The following CEP128 variants were observed in gnomAD, a reference collection of about 807,000 sequenced individuals.
CEP128 encodes centrosomal protein 128, also known as centrosomal protein 128kDa.
Under a neutral mutation model 156.7 loss-of-function variants are expected in CEP128, and 132 were observed. The observed-to-expected ratio is 0.84, with a 90% CI of 0.73 to 0.97. The LOEUF is 0.97. Ranked by LOEUF, CEP128 falls within the 50% of genes least tolerant of loss-of-function variation. CEP128 has a pLI of 0.00. For synonymous variants in CEP128, 469 were observed against 448.9 expected, an observed-to-expected ratio of 1.04 and a Z score of -0.57; for missense variants, 1,252 against 1,281.9, an observed-to-expected ratio of 0.98 and a Z score of 0.36.
intron 19 of CEP128, among the ~76,000 whole-genome samples, chr14:80,604,566 T>G (rs778625164): frequency 6.6e-6 from 1 of 152,122 alleles, no homozygotes; most frequent in Non-Finnish European, 1.5e-5. Flanking sequence ...ACATAGACAA[T>G]ATATAACATT....
At chr14:80,761,299 C>A in intron 17 of CEP128, 138 bp downstream of exon 17, 1 of 607,574 alleles carries the variant, frequency 1.6e-6, no homozygotes, top group Admixed American at 3.2e-5. Context: ...GCGCCTTATT[C>A]TAAAAAATGC....
In CEP128 at chr14:80,505,022, T is replaced by A. The variant is rs780828444; in HGVS notation, c.3073-2A>T. The A allele has an allele frequency of 6.4e-7, 1 of 1,555,794 alleles. No individual in the cohort carries two copies. The highest frequency in any genetic ancestry group is 8.8e-7 in the Non-Finnish European group (1 of 1,139,854). On this transcript the variant is annotated splice_acceptor_variant, in intron 23 of 24. Transcript: ENST00000555265. LOFTEE classifies it high-confidence loss of function. ...ACCTTCCAGAAAGGTTCTGTCACCCTAAGGAAAAAAAGGCACAGCATTTCA... is the reference window on the plus strand; with the variant it reads ...ACCTTCCAGAAAGGTTCTGTCACCCAAAGGAAAAAAAGGCACAGCATTTCA...
At chr14:80,509,739 T>C (rs974901698) in intron 23 of CEP128, among the ~76,000 whole-genome samples, 1 of 152,186 alleles carries the variant, frequency 6.6e-6, no homozygotes. Context: ...TCTTTTTTCT[T>C]ATAGTAGTTT....
chr14:80,791,473 T>A (rs533385320), intron 14 of CEP128, among the ~76,000 whole-genome samples: 1 of 152,298 alleles, frequency 6.6e-6, no homozygotes, highest in Admixed American at 6.5e-5. Context: ...CCCTTCTAAA[T>A]CTCTTCTAAT....
intron 16 of CEP128, among the ~76,000 whole-genome samples, chr14:80,774,609 A>ATGTGTG (rs143520284): frequency 2.5e-4 from 37 of 150,576 alleles, no homozygotes; most frequent in African/African-American, 8.8e-4. Flanking sequence ...ATATATACAT[A>ATGTGTG]TGTGTGTGTG....
rs116866636 is a variant in CEP128 at position 80,826,860 on chromosome 14, G to A, written c.1209+4283C>T. On this transcript the variant is annotated intron_variant, in intron 13 of 24. Transcript: ENST00000555265. ...AGATGGAGGCAAAGATTAAATCAGGGGAAATAACTGATCAAGGATGCTTAG... is the reference window on the plus strand; with the variant it reads ...AGATGGAGGCAAAGATTAAATCAGGAGAAATAACTGATCAAGGATGCTTAG... 9.0e-3 allele frequency among the ~76,000 whole-genome samples: 1,365 copies of A among 152,042 alleles called. 15 individuals are homozygous for A. Among genetic ancestry groups the A allele is most frequent in the Non-Finnish European group, 0.014 (969 of 67,992 alleles).
At position 80,772,834 on chromosome 14, in the gene CEP128, C is replaced by G. The variant is rs369932995; in HGVS notation, c.2376+5048G>C. 2.0e-4 allele frequency among the ~76,000 whole-genome samples: 31 copies of G among 152,310 alleles called. 5 individuals carry two copies. The highest frequency in any genetic ancestry group is 8.5e-4 in the Admixed American group (13 of 15,298). ...GGGAACTCTCTCCTCTCATTACCAG[C>G]TTTGTCTCAGTAGTCCAGTGCTACC... On this transcript the variant is annotated intron_variant, in intron 16 of 24. Coordinates refer to ENST00000555265, the MANE Select transcript of CEP128 (RefSeq NM_152446.5).
intron 19 of CEP128, among the ~76,000 whole-genome samples, chr14:80,711,359 C>T (rs1047839756): frequency 6.8e-6 from 1 of 146,244 alleles, no homozygotes; most frequent in African/African-American, 2.6e-5. Flanking sequence ...GTGTGTGTAA[C>T]CACACTAATA....
chr14:80,885,902 T>C (rs894919703), intron 8 of CEP128, among the ~76,000 whole-genome samples: 1 of 152,052 alleles, frequency 6.6e-6, no homozygotes, highest in African/African-American at 2.4e-5. Flanking sequence ...TAGGAACTGC[T>C]TACTAGAATA....
At chr14:80,700,024 G>C (rs917816390) in intron 19 of CEP128, among the ~76,000 whole-genome samples, 5 of 151,642 alleles carry the variant, frequency 3.3e-5, no homozygotes, top group African/African-American at 1.2e-4. Flanking sequence ...GCTTTAAGTG[G>C]GGAAGGATGG....
At chr14:80,915,874 GATATC>G (rs1401851904) in intron 3 of CEP128, among the ~76,000 whole-genome samples, 1 of 152,180 alleles carries the variant, frequency 6.6e-6, no homozygotes, top group Non-Finnish European at 1.5e-5. Context: ...GGCCCTCAAA[GATATC>G]CAAGTCCTAA....
chr14:80,485,658 C>T (rs960603237), downstream of CEP128, among the ~76,000 whole-genome samples: 1 of 151,928 alleles, frequency 6.6e-6, no homozygotes, highest in African/African-American at 2.4e-5. Flanking sequence ...CTTTTTTAGC[C>T]AATTAAATAA....
intron 19 of CEP128, among the ~76,000 whole-genome samples, chr14:80,634,097 C>A (rs1053788790): frequency 6.6e-6 from 1 of 152,114 alleles, no homozygotes; most frequent in Non-Finnish European, 1.5e-5. Flanking sequence ...CTGCCTGCTG[C>A]GTTACTAAGT....
At chr14:80,585,754 G>A (rs934813679) in intron 19 of CEP128, among the ~76,000 whole-genome samples, 2 of 152,066 alleles carry the variant, frequency 1.3e-5, no homozygotes, top group African/African-American at 2.4e-5. Flanking sequence ...TGTGTGTCTC[G>A]ACATTTACCA....
chr14:80,729,164 T>C, intron 19 of CEP128, among the ~76,000 whole-genome samples: 1 of 139,098 alleles, frequency 7.2e-6, no homozygotes, highest in Non-Finnish European at 1.5e-5. Context: ...CTCACCCCCC[T>C]CCCATGCTTC....
intron 23 of CEP128, among the ~76,000 whole-genome samples, chr14:80,511,066 T>C (rs200392843): frequency 6.2e-5 from 9 of 144,436 alleles, no homozygotes; most frequent in African/African-American, 1.6e-4. Flanking sequence ...TTTTTTTTCC[T>C]TTTTTTTTTT....
chr14:80,613,262 C>T (rs1281045818), intron 19 of CEP128, among the ~76,000 whole-genome samples: 2 of 149,812 alleles, frequency 1.3e-5, no homozygotes, highest in South Asian at 2.1e-4. Flanking sequence ...CAACAACTGC[C>T]GTCCGCTCAA....
intron 20 of CEP128, 90 bp downstream of exon 20, chr14:80,580,284 T>C (rs1010579179): frequency 7.5e-6 from 6 of 795,962 alleles, no homozygotes; most frequent in South Asian, 5.4e-5. Context: ...CTATTTGCTA[T>C]ACCAGTGTGA....
chr14:80,488,787 T>C (rs568955086), downstream of CEP128, among the ~76,000 whole-genome samples: 286 of 141,694 alleles, frequency 2.0e-3, no homozygotes, highest in African/African-American at 6.8e-3. Context: ...ATACACACCA[T>C]GGAATACTAT....
Sources: gnomAD v4.1 joint callset for allele counts (sites outside exome capture counted in the v4.1 genomes callset) on GRCh38, gnomAD v4.1.1 for gene constraint, MANE v1.5 for transcripts, NCBI Gene and HGNC (gene_info 2026-07-23, HGNC 2026-07-21) for gene names.